Variants in CAMLG observed in about 807,000 individuals in gnomAD.
CAMLG encodes the protein calcium modulating ligand, also known as guided entry of tail-anchored proteins factor CAMLG.
In CAMLG, 23 loss-of-function variants were observed where a neutral mutation model predicts 28.9. The ratio of observed to expected loss-of-function variants is 0.80; its 90% CI spans 0.57 to 1.13. The LOEUF is 1.13. Among genes scored for constraint, CAMLG ranks in the 50% most tolerant of loss-of-function variants. CAMLG has a pLI of 0.00. For synonymous variants in CAMLG, 141 were observed against 146.5 expected (o/e 0.96, Z 0.27); for missense variants, 367 against 371.9 (o/e 0.99, Z 0.11).
Position 134,738,625 on chromosome 5 carries a change from A to C in CAMLG, c.5A>C (p.Glu2Ala). 1 of 1,610,420 alleles carries C rather than the reference A, an allele frequency of 6.2e-7. No individual in the cohort carries two copies. Among genetic ancestry groups the C allele is most frequent in the Non-Finnish European group, 8.5e-7 (1 of 1,178,874 alleles). The change falls in exon 1 of 4, where the codon GAG (glutamate) becomes GCG (alanine). Residue 2 changes from glutamate to alanine, a missense_variant. Glu to Ala is a moderately radical substitution (Grantham distance 107, BLOSUM62 -1). Coordinates refer to ENST00000297156, the MANE Select transcript of CAMLG (RefSeq NM_001745.4). Reference protein sequence around the residue: MESMAVATDGGE... With the variant: MASMAVATDGGE... ...TCCCAGACTGTGGACGGGAGGATGG[A>C]GTCGATGGCCGTCGCTACCGACGGC...
At chr5:134,744,559 A>C (rs1434325748) in intron 3 of CAMLG, among the ~76,000 whole-genome samples, 1 of 151,758 alleles carries the variant, frequency 6.6e-6, no homozygotes, top group East Asian at 1.9e-4. Context: ...GTAATTAGAA[A>C]CTTTTATAGC....
At chr5:134,743,807 C>T (rs1753013261) in intron 2 of CAMLG, among the ~76,000 whole-genome samples, 180 bp from the exon 3 acceptor site, 1 of 150,114 alleles carries the variant, frequency 6.7e-6, no homozygotes, top group African/African-American at 2.5e-5. Context: ...TGGATGTTGC[C>T]ATGAACCAAG....
chr5:134,747,495 C>CA (rs1753063316), intron 3 of CAMLG, among the ~76,000 whole-genome samples: 1 of 152,108 alleles, frequency 6.6e-6, no homozygotes, highest in South Asian at 2.1e-4. Context: ...AGGCGCCCGC[C>CA]ATCACGGCCG....
intron 3 of CAMLG, among the ~76,000 whole-genome samples, chr5:134,744,445 A>AC (rs1753021680): frequency 6.7e-6 from 1 of 149,992 alleles, no homozygotes; most frequent in Non-Finnish European, 1.5e-5. Flanking sequence ...AGTTGCTCCA[A>AC]CCCAGGAGGC....
At chr5:134,744,248 G>A (rs1753018826) in intron 3 of CAMLG, among the ~76,000 whole-genome samples, 196 bp downstream of exon 3, 1 of 152,164 alleles carries the variant, frequency 6.6e-6, no homozygotes, top group Admixed American at 6.6e-5. Context: ...AATTGGCCGG[G>A]CGCAGTGGCT....
intron 3 of CAMLG, among the ~76,000 whole-genome samples, chr5:134,746,130 T>TC (rs1753045741): frequency 1.4e-5 from 1 of 70,656 alleles, no homozygotes; most frequent in Admixed American, 2.0e-4. Flanking sequence ...AAAGCAAAAC[T>TC]CCATCTCAAA....
chr5:134,744,009 C>T lies in CAMLG; in HGVS notation c.656C>T (p.Thr219Ile). 2.1e-6 allele frequency: 3 copies of T among 1,442,908 alleles called. No homozygotes were observed. Among genetic ancestry groups the T allele is most frequent in the Non-Finnish European group, 2.9e-6 (3 of 1,027,152 alleles). The allele number at this position is 1,442,908 out of a possible 1,614,324, so 89.4% of individuals were successfully genotyped here. Residue 219 changes from threonine (T) to isoleucine (I), a missense_variant, in exon 3 of 4, where the codon ACT (threonine) becomes ATT (isoleucine). Physicochemically the swap from Thr to Ile is moderately conservative, Grantham distance 89. Transcript: ENST00000297156. ...CAGTCCATATTTGCTCCATTTCTTACTTTACAACTTGCGTACATGGGATTA... is the reference window on the plus strand; with the variant it reads ...CAGTCCATATTTGCTCCATTTCTTATTTTACAACTTGCGTACATGGGATTA... ...KYLSIFAPFL[T>I]LQLAYMGLYK... is the part of the protein sequence containing the mutation.
intron 3 of CAMLG, among the ~76,000 whole-genome samples, chr5:134,745,267 C>T (rs1350997673): frequency 6.6e-6 from 1 of 150,890 alleles, no homozygotes; most frequent in African/African-American, 2.4e-5. Context: ...GAAATCCCAT[C>T]TCTACTAAAA....
chr5:134,746,612 G>A (rs757441191), intron 3 of CAMLG, among the ~76,000 whole-genome samples: 57 of 152,120 alleles, frequency 3.7e-4, no homozygotes, highest in Non-Finnish European at 6.6e-4. Context: ...AAGTAGCTGT[G>A]ACTACAGGTG....
chr5:134,741,384 T>G lies in CAMLG; in HGVS notation c.494T>G (p.Leu165Arg), dbSNP rs747826812. 3 of 1,614,028 alleles carry G rather than the reference T, an allele frequency of 1.9e-6. No individual in the cohort carries two copies. The highest frequency in any genetic ancestry group is 2.5e-6 in the Non-Finnish European group (3 of 1,180,008). ...TCCAGATTCGAAGAAGCAATGAAGC[T>G]AAGGAAACAGCTGATTAGTGAAAAA... ...YLSRFEEAMK[L>R]RKQLISEKPS... is the part of the protein sequence containing the mutation. Residue 165 changes from leucine to arginine, a missense_variant, in exon 2 of 4, where the codon CTA becomes CGA. By Grantham distance (102) the Leu-to-Arg change is moderately radical. Coordinates refer to ENST00000297156, the MANE Select transcript of CAMLG (RefSeq NM_001745.4).
chr5:134,741,034 A>G, intron 1 of CAMLG, 29 bp from the exon 2 acceptor site: 1 of 1,504,290 alleles, frequency 6.6e-7, no homozygotes, highest in Non-Finnish European at 9.2e-7. Flanking sequence ...TGGAATAAAT[A>G]CATAAGGCTT....
chr5:134,740,000 GGA>G (rs1306429667), intron 1 of CAMLG, among the ~76,000 whole-genome samples: 1 of 151,914 alleles, frequency 6.6e-6, no homozygotes, highest in Non-Finnish European at 1.5e-5. Flanking sequence ...CTCAGCCTCC[GGA>G]GTAGCTAGGA....
chr5:134,750,996 C>T lies in CAMLG; in HGVS notation c.*46C>T, dbSNP rs1753108865. On this transcript the variant is annotated 3_prime_UTR_variant, in exon 4 of 4. Coordinates refer to ENST00000297156, the MANE Select transcript of CAMLG (RefSeq NM_001745.4). Reference sequence around the variant, plus strand: ...AGAAGCTTACAAAAAAAAAAAAATCCTCTTCTATATTGCAGTGTCTCTAAA... The same window carrying T: ...AGAAGCTTACAAAAAAAAAAAAATCTTCTTCTATATTGCAGTGTCTCTAAA... 4 of 1,356,418 alleles carry T rather than the reference C, an allele frequency of 2.9e-6. No homozygotes were observed. Among genetic ancestry groups the T allele is most frequent in the Non-Finnish European group, 4.1e-6 (4 of 970,730 alleles). 84.0% of individuals were successfully genotyped at this position (1,356,418 alleles called of 1,614,324 possible). A position where few individuals can be genotyped will look rare whatever the true frequency, so the allele number is the denominator to read the frequency against.
chr5:134,749,027 C>G (rs549480434), intron 3 of CAMLG, among the ~76,000 whole-genome samples: 1 of 148,888 alleles, frequency 6.7e-6, no homozygotes, highest in African/African-American at 2.5e-5. Flanking sequence ...TTGTATGAGG[C>G]TTTTTGTGAG....
At chr5:134,740,220 A>G (rs1282803103) in intron 1 of CAMLG, among the ~76,000 whole-genome samples, 1 of 152,126 alleles carries the variant, frequency 6.6e-6, no homozygotes, top group Non-Finnish European at 1.5e-5. Context: ...ACAAAAACAA[A>G]ACCCCAGAGT....
intron 3 of CAMLG, 152 bp downstream of exon 3, chr5:134,744,204 T>C: frequency 1.8e-6 from 1 of 568,132 alleles, no homozygotes; most frequent in Non-Finnish European, 3.1e-6. Flanking sequence ...ACTATGTGTT[T>C]GTGTTTGTTA....
rs759488048 is a variant in CAMLG at position 134,738,577 on chromosome 5, A to T, written c.-44A>T. 5 of 1,517,060 alleles carry T rather than the reference A, an allele frequency of 3.3e-6. No individual in the cohort carries two copies. The South Asian group carries it at 6.1e-5, about 18-fold the overall frequency. 94.0% of individuals were successfully genotyped at this position (1,517,060 alleles called of 1,614,324 possible). On this transcript the variant is annotated 5_prime_UTR_variant, in exon 1 of 4. Coordinates refer to ENST00000297156, the MANE Select transcript of CAMLG (RefSeq NM_001745.4). The stretch of plus-strand genomic sequence containing the variant: ...AGTCATCGCCCTCGCAGCGGCGGCC[A>T]ACATCACCGCCACTGCCACCCCTCC...
chr5:134,744,027 T>C lies in CAMLG; in HGVS notation c.674T>C (p.Met225Thr), dbSNP rs1468489440. The change falls in exon 3 of 4, where the codon ATG becomes ACG. Residue 225 changes from methionine (M) to threonine (T), a missense_variant. Coordinates refer to ENST00000297156, the MANE Select transcript of CAMLG (RefSeq NM_001745.4). ...APFLTLQLAY[M>T]GLYKYFPKSE... ...TTTCTTACTTTACAACTTGCGTACA[T>C]GGGATTATACAAATATTTTCCCAAG... is the stretch of plus-strand genomic sequence containing the variant. 7.0e-7 allele frequency: 1 copy of C among 1,437,956 alleles called. No individual in the cohort carries two copies. The highest frequency in any genetic ancestry group is 9.8e-7 in the Non-Finnish European group (1 of 1,022,598). 89.1% of individuals were successfully genotyped at this position (1,437,956 alleles called of 1,614,324 possible). A position where few individuals can be genotyped will look rare whatever the true frequency, so the allele number is the denominator to read the frequency against.
chr5:134,741,536 C>G lies in CAMLG; in HGVS notation c.633+13C>G, dbSNP rs976701779. 7 of 1,518,216 alleles carry G rather than the reference C, an allele frequency of 4.6e-6. No homozygotes were observed. Among genetic ancestry groups the G allele is most frequent in the Non-Finnish European group, 6.3e-6 (7 of 1,105,934 alleles). The allele number at this position is 1,518,216 out of a possible 1,614,324, so 94.0% of individuals were successfully genotyped here. On this transcript the variant is annotated intron_variant, in intron 2 of 3. Coordinates refer to ENST00000297156, the MANE Select transcript of CAMLG (RefSeq NM_001745.4). ...TTGCAAATACTTGGTAAGAAAAGAT[C>G]TGTAAATTATTAACTAACTTAATGG... is the stretch of plus-strand genomic sequence containing the variant.
Sources: gnomAD v4.1 joint callset for allele counts (sites outside exome capture counted in the v4.1 genomes callset) on GRCh38, gnomAD v4.1.1 for gene constraint, MANE v1.5 for transcripts, NCBI Gene and HGNC (gene_info 2026-07-23, HGNC 2026-07-21) for gene names.